Variants in SFSWAP observed in about 807,000 individuals in gnomAD.
SFSWAP encodes the protein splicing factor SWAP.
SFSWAP carries 17 observed loss-of-function variants against 100.7 expected under a neutral mutation model. The observed-to-expected ratio is 0.17, with a 90% CI of 0.12 to 0.25. The LOEUF (loss-of-function observed/expected upper bound fraction) is 0.25. SFSWAP is among the 10% of genes least tolerant of loss of function. The probability of loss-of-function intolerance (pLI) is 1.00; values close to 1 mark genes in which losing one functional copy is unlikely to be tolerated. For synonymous variants in SFSWAP, 504 were observed against 510.1 expected (o/e 0.99, Z 0.16); for missense variants, 1,005 against 1,262.6 (o/e 0.80, Z 3.09).
intron 11 of SFSWAP, among the ~76,000 whole-genome samples, chr12:131,761,330 T>C (rs1022397141): frequency 6.6e-6 from 1 of 152,238 alleles, no homozygotes; most frequent in African/African-American, 2.4e-5. Context: ...GCGGGTTCAC[T>C]CAGGGGTGCC....
intron 7 of SFSWAP, among the ~76,000 whole-genome samples, chr12:131,745,868 G>T (rs957886658): frequency 6.6e-6 from 1 of 151,936 alleles, no homozygotes; most frequent in Non-Finnish European, 1.5e-5. Context: ...GAATAAGCCT[G>T]CAGGGAATGG....
At position 131,786,468 on chromosome 12, in the gene SFSWAP, G is replaced by A. The variant is rs757852049; in HGVS notation, c.2414G>A (p.Arg805His). The change falls in exon 15 of 18, where the codon CGC (arginine) becomes CAC (histidine). Residue 805 changes from arginine (R) to histidine (H), a missense_variant. Arg to His is a conservative substitution (Grantham distance 29). Coordinates refer to ENST00000261674, the MANE Select transcript of SFSWAP (RefSeq NM_004592.4). Reference protein sequence around the residue: ...AYRTVRRSRSRSRSPRRRAHS... With the variant: ...AYRTVRRSRSHSRSPRRRAHS... ...CTGCCTCCTCCCCTGTCCAGGTCCC[G>A]CTCCCGGTCCCCTCGGAGGAGAGCC... 3.1e-5 allele frequency: 49 copies of A among 1,586,562 alleles called. No individual in the cohort carries two copies. The highest frequency in any genetic ancestry group is 7.1e-5 in the Admixed American group (4 of 56,266).
chr12:131,774,080 C>T (rs112224935), intron 13 of SFSWAP, among the ~76,000 whole-genome samples: 11 of 152,082 alleles, frequency 7.2e-5, no homozygotes, highest in East Asian at 5.8e-4. Flanking sequence ...CACGAGAGAC[C>T]GACAGGATGA....
At position 131,796,904 on chromosome 12, in the gene SFSWAP, G is replaced by A. The variant is rs565293307; in HGVS notation, c.2535-274G>A. On this transcript the variant is annotated intron_variant, in intron 15 of 17. Coordinates refer to ENST00000261674, the MANE Select transcript of SFSWAP (RefSeq NM_004592.4). ...AAAGCACTATGAACTGCCTGTGGTG[G>A]CTTATCTTAGGTATTTTACATGTAA... is the stretch of plus-strand genomic sequence containing the variant. The A allele has an allele frequency of 7.0e-5, 26 of 373,550 alleles. No homozygotes were observed. The South Asian group carries it at 1.5e-3, about 21-fold the overall frequency. 23.1% of individuals were successfully genotyped at this position (373,550 alleles called of 1,614,324 possible).
chr12:131,773,933 G>T (rs1199698903), intron 13 of SFSWAP, among the ~76,000 whole-genome samples: 2 of 152,228 alleles, frequency 1.3e-5, no homozygotes, highest in Non-Finnish European at 2.9e-5. Flanking sequence ...TACCAGAATA[G>T]TGAGGGCCCA....
chr12:131,752,974 T>A, intron 7 of SFSWAP, 149 bp from the exon 8 acceptor site: 1 of 1,211,594 alleles, frequency 8.3e-7, no homozygotes, highest in South Asian at 1.5e-5. Flanking sequence ...CAACTTTTTG[T>A]ATCAGAAAAA....
intron 16 of SFSWAP, among the ~76,000 whole-genome samples, chr12:131,798,554 A>G (rs566020019): frequency 8.5e-5 from 13 of 152,178 alleles, no homozygotes; most frequent in Non-Finnish European, 1.8e-4. Context: ...AACATTTCAG[A>G]TGAGTATAAC....
chr12:131,734,615 C>G lies in SFSWAP; in HGVS notation c.1081+6187C>G, dbSNP rs1879823264. On this transcript the variant is annotated intron_variant, in intron 7 of 17. Transcript: ENST00000261674. The surrounding 1 kb of genome is among the most constrained non-coding windows in gnomAD (Gnocchi z 4.9). ...TGAGGCAAAGGCTGGGACTGTCTTA[C>G]TAGCCAGCGTGCTCCTTGCACCTCG... 6.6e-6 allele frequency among the ~76,000 whole-genome samples: 1 copy of G among 152,210 alleles called. No homozygotes were observed. The highest frequency in any genetic ancestry group is 2.4e-5 in the African/African-American group (1 of 41,454).
chr12:131,764,198 G>A (rs1214531926), intron 11 of SFSWAP, among the ~76,000 whole-genome samples: 2 of 152,210 alleles, frequency 1.3e-5, no homozygotes. Context: ...GCATCAGCGA[G>A]TGTGCCCTTG....
intron 4 of SFSWAP, among the ~76,000 whole-genome samples, chr12:131,720,007 C>T (rs764378862): frequency 2.2e-4 from 33 of 152,182 alleles, no homozygotes; most frequent in Non-Finnish European, 4.3e-4. Context: ...CCTGTGGCAT[C>T]TCCAGGCCCA....
In SFSWAP at chr12:131,725,351, G is replaced by A. The variant is rs992416651; in HGVS notation, c.607-54G>A. On this transcript the variant is annotated intron_variant, in intron 4 of 17. Transcript: ENST00000261674. The surrounding 1 kb of genome is among the most constrained non-coding windows in gnomAD (Gnocchi z 4.3). ...TTTCTATGTTTTAATGAAATCACGTGGCCGGTGGACAAGAGGACAAATGGG... is the reference window on the plus strand; with the variant it reads ...TTTCTATGTTTTAATGAAATCACGTAGCCGGTGGACAAGAGGACAAATGGG... 2 of 1,391,126 alleles carry A rather than the reference G, an allele frequency of 1.4e-6. No homozygotes were observed. The highest frequency in any genetic ancestry group is 3.4e-5 in the Admixed American group (2 of 59,508). The allele number at this position is 1,391,126 out of a possible 1,614,324, so 86.2% of individuals were successfully genotyped here.
At chr12:131,779,548 C>T (rs925034268) in intron 14 of SFSWAP, among the ~76,000 whole-genome samples, 1 of 152,168 alleles carries the variant, frequency 6.6e-6, no homozygotes, top group African/African-American at 2.4e-5. Flanking sequence ...TTCAGAACCC[C>T]GTTACACCTT....
chr12:131,728,234 G>T, intron 6 of SFSWAP, 59 bp from the exon 7 acceptor site: 6 of 1,597,298 alleles, frequency 3.8e-6, no homozygotes, highest in Non-Finnish European at 5.1e-6. Flanking sequence ...TTTTGCAGCA[G>T]AAGAGTTCTG....
chr12:131,799,419 A>G lies in SFSWAP; in HGVS notation c.2791-4A>G. 6.2e-7 allele frequency: 1 copy of G among 1,614,112 alleles called. No homozygotes were observed. Among genetic ancestry groups the G allele is most frequent in the East Asian group, 2.2e-5 (1 of 44,874 alleles). The stretch of plus-strand genomic sequence containing the variant: ...GGTTCTCCTCTGTGTCTCGCCCTGC[A>G]CAGGATCTCATGGCCAAAGTCAGAG... On this transcript the variant is annotated splice_region_variant and splice_polypyrimidine_tract_variant and intron_variant, in intron 17 of 17. Transcript: ENST00000261674.
intron 15 of SFSWAP, among the ~76,000 whole-genome samples, chr12:131,787,141 G>A (rs1161773754): frequency 6.6e-6 from 1 of 152,162 alleles, no homozygotes; most frequent in African/African-American, 2.4e-5. Flanking sequence ...GATGGAGGGA[G>A]GTTAGCATTC....
chr12:131,789,369 T>A (rs1885098846), intron 15 of SFSWAP, among the ~76,000 whole-genome samples: 1 of 152,146 alleles, frequency 6.6e-6, no homozygotes, highest in African/African-American at 2.4e-5. Flanking sequence ...TTTAAAATAG[T>A]ACAATGGGGC....
intron 10 of SFSWAP, 27 bp from the exon 11 acceptor site, chr12:131,756,446 C>T (rs1186122178): frequency 6.2e-7 from 1 of 1,605,868 alleles, no homozygotes; most frequent in Non-Finnish European, 8.5e-7. Flanking sequence ...TTCCTGCTGA[C>T]AGTTTATAGT....
At chr12:131,786,981 G>A (rs1884941529) in intron 15 of SFSWAP, among the ~76,000 whole-genome samples, 1 of 152,204 alleles carries the variant, frequency 6.6e-6, no homozygotes, top group African/African-American at 2.4e-5. Flanking sequence ...GGCAGTCACT[G>A]TGGTTGCCTG....
intron 7 of SFSWAP, among the ~76,000 whole-genome samples, chr12:131,751,354 T>C (rs978313813): frequency 1.3e-5 from 2 of 152,232 alleles, no homozygotes; most frequent in African/African-American, 4.8e-5. Flanking sequence ...TTGGACACTT[T>C]TTAGGGGTGA....
Sources: gnomAD v4.1 joint callset for allele counts (sites outside exome capture counted in the v4.1 genomes callset) on GRCh38, gnomAD v4.1.1 for gene constraint, Gnocchi (gnomAD v3.1) non-coding constraint, MANE v1.5 for transcripts, NCBI Gene and HGNC (gene_info 2026-07-23, HGNC 2026-07-21) for gene names.